RBPMS: variants seen among roughly 807,000 people sequenced by gnomAD.
The protein encoded by RBPMS is RNA binding protein, mRNA processing factor.
Under a neutral mutation model 26.8 loss-of-function variants are expected in RBPMS, and 7 were observed. The observed-to-expected ratio is 0.26, with a 90% CI of 0.15 to 0.49. The LOEUF (loss-of-function observed/expected upper bound fraction) is 0.49. Among genes scored for constraint, RBPMS ranks in the 20% least tolerant of loss-of-function variants. The pLI is 0.98. For synonymous variants in RBPMS, 96 were observed against 93.3 expected (o/e 1.03, Z -0.17); for missense variants, 186 against 250.0 (o/e 0.74, Z 1.73).
intron 1 of RBPMS, among the ~76,000 whole-genome samples, chr8:30,431,402 T>C (rs2915606): frequency 0.41 from 61,110 of 150,024 alleles, 14,161 homozygotes; most frequent in African/African-American, 0.64. Flanking sequence ...TCTTTTTCTC[T>C]TTTCTTTCTT....
At chr8:30,550,398 G>A (rs1359102186) in intron 6 of RBPMS, among the ~76,000 whole-genome samples, 1 of 152,180 alleles carries the variant, frequency 6.6e-6, no homozygotes, top group Non-Finnish European at 1.5e-5. Flanking sequence ...AGAATGCCCG[G>A]CATATTAGAA....
chr8:30,453,841 A>T (rs566393310), intron 1 of RBPMS: 32 of 152,296 alleles, frequency 2.1e-4, no homozygotes, highest in East Asian at 1.9e-4. Context: ...ATGTTTTTTT[A>T]AAACTAGAAA....
chr8:30,391,967 G>A (rs1014106143), intron 1 of RBPMS, among the ~76,000 whole-genome samples: 3 of 151,964 alleles, frequency 2.0e-5, no homozygotes, highest in East Asian at 1.9e-4. Flanking sequence ...TATGATGATT[G>A]TGCTGCTTTG....
intron 8 of RBPMS, among the ~76,000 whole-genome samples, chr8:30,568,711 G>A (rs901500805): frequency 3.9e-5 from 6 of 152,136 alleles, no homozygotes; most frequent in Non-Finnish European, 8.8e-5. Flanking sequence ...CCATCCCTCC[G>A]TGGGGCTGTG....
intron 1 of RBPMS, among the ~76,000 whole-genome samples, chr8:30,439,320 C>A (rs1040104675): frequency 2.0e-4 from 30 of 152,180 alleles, no homozygotes; most frequent in African/African-American, 7.2e-4. Flanking sequence ...TTCTTTCTTC[C>A]ATGTTTCTTG....
At chr8:30,538,877 T>C (rs1477521935) in intron 5 of RBPMS, among the ~76,000 whole-genome samples, 1 of 152,186 alleles carries the variant, frequency 6.6e-6, no homozygotes, top group Admixed American at 6.5e-5. Context: ...CAGGTGGATT[T>C]TGATTTGGGG....
At chr8:30,552,538 C>G (rs1396985635) in intron 6 of RBPMS, 1 of 152,236 alleles carries the variant, frequency 6.6e-6, no homozygotes, top group Non-Finnish European at 1.5e-5. Flanking sequence ...CTTCACTGAG[C>G]TCAGCTCCTG....
intron 5 of RBPMS, among the ~76,000 whole-genome samples, chr8:30,510,427 C>G (rs376232485): frequency 3.3e-5 from 5 of 152,136 alleles, no homozygotes; most frequent in South Asian, 2.1e-4. Context: ...AGTAGCTTTC[C>G]CAAAGTCACA....
chr8:30,491,268 A>T (rs1211351801), intron 4 of RBPMS, among the ~76,000 whole-genome samples: 1 of 152,214 alleles, frequency 6.6e-6, no homozygotes, highest in Non-Finnish European at 1.5e-5. Context: ...TGTATTTTTT[A>T]AATGTACTAC....
At chr8:30,546,810 A>G (rs925234937) in intron 6 of RBPMS, among the ~76,000 whole-genome samples, 1 of 152,344 alleles carries the variant, frequency 6.6e-6, no homozygotes, top group East Asian at 1.9e-4. Flanking sequence ...GAGGCTTTAC[A>G]GATCAGCTGG....
chr8:30,544,752 T>C (rs752990795), intron 6 of RBPMS, 128 bp downstream of exon 6: 2 of 1,599,270 alleles, frequency 1.3e-6, no homozygotes, highest in Admixed American at 1.7e-5. Context: ...AGATTAATGA[T>C]CCCCTCTAAA....
chr8:30,478,490 T>C (rs1817926594), intron 3 of RBPMS, among the ~76,000 whole-genome samples: 2 of 151,044 alleles, frequency 1.3e-5, no homozygotes, highest in African/African-American at 4.9e-5. Flanking sequence ...AACAGCCTAA[T>C]TAAGAATATG....
chr8:30,446,090 AGT>A (rs1437343542), intron 1 of RBPMS, among the ~76,000 whole-genome samples: 1 of 152,242 alleles, frequency 6.6e-6, no homozygotes, highest in Non-Finnish European at 1.5e-5. Context: ...ACCTTTTTCA[AGT>A]GTAAGGCTTG....
intron 4 of RBPMS, among the ~76,000 whole-genome samples, chr8:30,497,407 G>A (rs563026952): frequency 6.6e-6 from 1 of 152,098 alleles, no homozygotes; most frequent in East Asian, 1.9e-4. Flanking sequence ...AGCTGGGCAT[G>A]GTAATGCACA....
chr8:30,527,049 AC>A (rs1471075821), intron 5 of RBPMS, among the ~76,000 whole-genome samples: 3 of 152,172 alleles, frequency 2.0e-5, no homozygotes, highest in African/African-American at 4.8e-5. Flanking sequence ...ATACATACTT[AC>A]AAAACTTTCC....
chr8:30,531,593 T>C (rs1204045780), intron 5 of RBPMS, among the ~76,000 whole-genome samples: 5 of 152,336 alleles, frequency 3.3e-5, no homozygotes, highest in African/African-American at 1.2e-4. Context: ...TGTTCTCATA[T>C]ATGAACTCTG....
chr8:30,493,083 G>A (rs1819567645), intron 4 of RBPMS, among the ~76,000 whole-genome samples: 2 of 152,278 alleles, frequency 1.3e-5, no homozygotes, highest in South Asian at 2.1e-4. Flanking sequence ...AGTGAAGTTG[G>A]CCATTAAAAT....
chr8:30,455,595 A>G (rs939028976), intron 1 of RBPMS, among the ~76,000 whole-genome samples: 1 of 152,158 alleles, frequency 6.6e-6, no homozygotes, highest in African/African-American at 2.4e-5. Flanking sequence ...GAATAATTAT[A>G]AGAGACAATG....
chr8:30,390,502 C>T (rs943330517), intron 1 of RBPMS, among the ~76,000 whole-genome samples: 1 of 152,228 alleles, frequency 6.6e-6, no homozygotes, highest in South Asian at 2.1e-4. Context: ...GCGCACATGG[C>T]GTTCGGGATT....
Sources: allele counts gnomAD v4.1 joint callset (sites outside exome capture counted in the v4.1 genomes callset), GRCh38; gene constraint gnomAD v4.1.1; transcripts MANE v1.5; gene names NCBI Gene and HGNC (gene_info 2026-07-23, HGNC 2026-07-21).